TNIP3: variants seen among roughly 807,000 people sequenced by gnomAD.
The protein encoded by TNIP3 is TNFAIP3 interacting protein 3, also known as TNFAIP3-interacting protein 3.
A neutral mutation model predicts 54.1 loss-of-function variants in TNIP3; 34 were observed. The ratio of observed to expected loss-of-function variants is 0.63; its 90% CI spans 0.48 to 0.84. The LOEUF is 0.84. TNIP3 is among the 40% of genes least tolerant of loss of function. The pLI is 0.00. For missense variants in TNIP3, 366 were observed against 387.6 expected (o/e 0.94, Z 0.47); for synonymous variants, 134 against 136.8 (o/e 0.98, Z 0.14).
At chr4:121,186,542 C>T (rs1725031580) in intron 2 of TNIP3, among the ~76,000 whole-genome samples, 1 of 152,136 alleles carries the variant, frequency 6.6e-6, no homozygotes, top group South Asian at 2.1e-4. Context: ...AGTGTAAGTC[C>T]TTTAGCTTCT....
rs1482163995 is a variant in TNIP3, at chr4:121,138,707, AT to A, written c.886-24del. The A allele has an allele frequency of 5.0e-6, 8 of 1,604,790 alleles. No homozygotes were observed. The South Asian group carries it at 8.8e-5, about 18-fold the overall frequency. ...TGGCTGTGTGGAACAATACAACATTATTATAGCAATATGGACTTCAAATATA... is the reference window on the plus strand; with the variant it reads ...TGGCTGTGTGGAACAATACAACATTATATAGCAATATGGACTTCAAATATA... On this transcript the variant is annotated intron_variant, in intron 9 of 10. Transcript: ENST00000057513.
intron 2 of TNIP3, among the ~76,000 whole-genome samples, chr4:121,204,557 C>T (rs183598685): frequency 6.6e-6 from 1 of 152,300 alleles, no homozygotes; most frequent in Admixed American, 6.5e-5. Context: ...TGAGACTTGT[C>T]TCAGATTTTC....
chr4:121,180,072 C>T (rs766790244), intron 3 of TNIP3, among the ~76,000 whole-genome samples: 3 of 151,614 alleles, frequency 2.0e-5, no homozygotes, highest in Non-Finnish European at 4.4e-5. Context: ...AGAAAAAAAG[C>T]GGGGAGGGGT....
chr4:121,201,991 A>G (rs913035029), intron 2 of TNIP3, among the ~76,000 whole-genome samples: 1 of 152,196 alleles, frequency 6.6e-6, no homozygotes, highest in African/African-American at 2.4e-5. Flanking sequence ...GCCAAAAGCA[A>G]TCTACAAATT....
In TNIP3 at chr4:121,216,354, A is replaced by G. The variant is rs560492334; in HGVS notation, c.68+61T>C. ...ATACACTATCATTGCCACAAAGCAG[A>G]AGTGCTCTAATTAGAATATTAGTAT... On this transcript the variant is annotated intron_variant, in intron 2 of 12. Coordinates refer to the TNIP3 transcript ENST00000507879. 6.5e-5 allele frequency: 89 copies of G among 1,361,702 alleles called. No homozygotes were observed. The South Asian group carries it at 1.1e-3, about 17-fold the overall frequency. The allele number at this position is 1,361,702 out of a possible 1,614,324, so 84.4% of individuals were successfully genotyped here.
chr4:121,222,067 C>G (rs749619071), intron 1 of TNIP3, among the ~76,000 whole-genome samples: 1 of 152,132 alleles, frequency 6.6e-6, no homozygotes, highest in African/African-American at 2.4e-5. Context: ...ACAGATTGTA[C>G]ATTATAGTAG....
At chr4:121,222,482 C>T (rs952767031) in intron 1 of TNIP3, among the ~76,000 whole-genome samples, 1 of 152,142 alleles carries the variant, frequency 6.6e-6, no homozygotes, top group African/African-American at 2.4e-5. Context: ...CTGAGCCCCA[C>T]TGTCCTTACC....
At chr4:121,225,662 A>G (rs1480013625) in intron 1 of TNIP3, among the ~76,000 whole-genome samples, 1 of 152,218 alleles carries the variant, frequency 6.6e-6, no homozygotes, top group East Asian at 1.9e-4. Context: ...TTAAAGAGCA[A>G]TTTTTAAAAG....
At chr4:121,221,965 C>CCAGG (rs1475942917) in intron 1 of TNIP3, among the ~76,000 whole-genome samples, 2 of 152,126 alleles carry the variant, frequency 1.3e-5, no homozygotes, top group African/African-American at 2.4e-5. Context: ...AGTTCCTGAA[C>CCAGG]CAGGAGTCAG....
chr4:121,142,140 G>T (rs530109101), intron 8 of TNIP3, among the ~76,000 whole-genome samples: 44 of 152,130 alleles, frequency 2.9e-4, no homozygotes, highest in Non-Finnish European at 4.3e-4. Context: ...CCATTTTGAA[G>T]AAATTAGACA....
At chr4:121,134,076 T>A (rs1405224746) in intron 10 of TNIP3, among the ~76,000 whole-genome samples, 2 of 152,184 alleles carry the variant, frequency 1.3e-5, no homozygotes, top group Non-Finnish European at 2.9e-5. Context: ...ACAAATCCAG[T>A]CAGTATTTAA....
chr4:121,180,817 A>G (rs1724648667), intron 3 of TNIP3, among the ~76,000 whole-genome samples: 4 of 152,136 alleles, frequency 2.6e-5, no homozygotes, highest in Non-Finnish European at 5.9e-5. Flanking sequence ...TTTTCGTTTT[A>G]CTTATCTATT....
intron 2 of TNIP3, among the ~76,000 whole-genome samples, chr4:121,183,716 T>C (rs1207455748): frequency 6.6e-6 from 1 of 152,052 alleles, no homozygotes; most frequent in East Asian, 1.9e-4. Flanking sequence ...GTGAGGGGTC[T>C]AGGTTGTGAG....
At chr4:121,199,279 T>C (rs1289596681) in intron 2 of TNIP3, among the ~76,000 whole-genome samples, 2 of 152,204 alleles carry the variant, frequency 1.3e-5, no homozygotes, top group East Asian at 3.8e-4. Context: ...GCTGGGAAAC[T>C]GTTAGTAAAA....
At chr4:121,220,522 T>C (rs960421401), upstream of TNIP3, among the ~76,000 whole-genome samples, 2 of 152,202 alleles carry the variant, frequency 1.3e-5, no homozygotes, top group Non-Finnish European at 2.9e-5. Flanking sequence ...CATCATCCAA[T>C]TCAAATTTGG....
intron 1 of TNIP3, among the ~76,000 whole-genome samples, chr4:121,225,206 T>G (rs1454630855): frequency 6.6e-6 from 1 of 152,222 alleles, no homozygotes; most frequent in Non-Finnish European, 1.5e-5. Context: ...ATTAACTATG[T>G]ACTAATTGCC....
Position 121,158,678 on chromosome 4 carries a change from G to T in TNIP3, c.213+9C>A, listed in dbSNP as rs567762622. The T allele has an allele frequency of 1.9e-6, 3 of 1,603,750 alleles. No individual in the cohort carries two copies. The highest frequency in any genetic ancestry group is 3.4e-5 in the Admixed American group (2 of 59,450). On this transcript the variant is annotated intron_variant, in intron 3 of 10. Coordinates refer to ENST00000057513, the MANE Select transcript of TNIP3 (RefSeq NM_024873.6). ...TTAAAGAAAATACCGAATAGAGAGA[G>T]GTATTTACCTTTCTTTCATATAACT...
upstream of TNIP3, among the ~76,000 whole-genome samples, chr4:121,166,636 A>T (rs2148818675): frequency 6.6e-6 from 1 of 152,382 alleles, no homozygotes; most frequent in South Asian, 2.1e-4. Flanking sequence ...AACAAGGACT[A>T]CCAGTCACTG....
chr4:121,175,661 C>T (rs1017682233), intron 3 of TNIP3, among the ~76,000 whole-genome samples: 8 of 152,196 alleles, frequency 5.3e-5, no homozygotes, highest in Non-Finnish European at 1.2e-4. Flanking sequence ...CAGATGACTT[C>T]TGAGTAAATA....
Sources: gnomAD v4.1 joint callset for allele counts (sites outside exome capture counted in the v4.1 genomes callset) on GRCh38, gnomAD v4.1.1 for gene constraint, MANE v1.5 for transcripts, NCBI Gene and HGNC (gene_info 2026-07-23, HGNC 2026-07-21) for gene names.